LTBP1: variants seen among roughly 807,000 people sequenced by gnomAD.
LTBP1 encodes the protein latent-transforming growth factor beta-binding protein 1.
Under a neutral mutation model 207.6 loss-of-function variants are expected in LTBP1, and 129 were observed. The observed-to-expected ratio is 0.62, with a 90% CI of 0.54 to 0.72. LTBP1 has a LOEUF of 0.72. Among genes scored for constraint, LTBP1 ranks in the 30% least tolerant of loss-of-function variants. The pLI is 0.00. For missense variants in LTBP1, 2,281 were observed against 2,217.2 expected (o/e 1.03, Z -0.58); for synonymous variants, 963 against 833.7 (o/e 1.16, Z -2.67).
intron 3 of LTBP1, among the ~76,000 whole-genome samples, chr2:33,039,696 CAATTA>C (rs1421414357): frequency 1.3e-5 from 2 of 152,062 alleles, no homozygotes; most frequent in Admixed American, 6.6e-5. Context: ...TAATCATAGT[CAATTA>C]AATTAAATTG....
intron 10 of LTBP1, among the ~76,000 whole-genome samples, chr2:33,244,625 T>C (rs965723682): frequency 4.6e-5 from 7 of 152,178 alleles, no homozygotes; most frequent in Non-Finnish European, 1.0e-4. Flanking sequence ...ATGCCCATTA[T>C]TATAGGTAAG....
intron 31 of LTBP1, among the ~76,000 whole-genome samples, chr2:33,376,343 G>A (rs1000682693): frequency 5.9e-5 from 9 of 152,178 alleles, no homozygotes; most frequent in African/African-American, 1.9e-4. Flanking sequence ...ACAAGAAAAA[G>A]CCCTCACCCT....
chr2:32,973,322 C>T (rs992691020), intron 2 of LTBP1, among the ~76,000 whole-genome samples: 3 of 152,018 alleles, frequency 2.0e-5, no homozygotes, highest in Non-Finnish European at 2.9e-5. Flanking sequence ...CTGGGTGCTT[C>T]TTTGTTAGGT....
At chr2:33,031,917 AG>A (rs754142934) in intron 3 of LTBP1, among the ~76,000 whole-genome samples, 11 of 152,046 alleles carry the variant, frequency 7.2e-5, no homozygotes, top group Non-Finnish European at 1.5e-4. Context: ...AGAGAGTGTG[AG>A]GGAAGGCCTG....
At chr2:33,056,940 G>C (rs959076901) in intron 3 of LTBP1, among the ~76,000 whole-genome samples, 1 of 152,144 alleles carries the variant, frequency 6.6e-6, no homozygotes. Flanking sequence ...TTTACAGAGA[G>C]CCGATTGGTC....
chr2:32,959,621 A>AT lies in LTBP1; in HGVS notation c.565+10693dup, dbSNP rs397972038. Among the ~76,000 whole-genome samples the AT allele has an allele frequency of 1.9e-3, 69 of 36,668 alleles. 2 individuals carry two copies. The Middle Eastern group carries it at 0.071, about 38-fold the overall frequency. 24.1% of individuals were successfully genotyped at this position (36,668 alleles called of 152,430 possible). ...TGTATATATATATATATATATATAT[A>AT]TTTTTTTTTTTTTTTTTGAGATGGA... On this transcript the variant is annotated intron_variant, in intron 2 of 33. Coordinates refer to ENST00000404816, the MANE Select transcript of LTBP1 (RefSeq NM_206943.4).
intron 31 of LTBP1, among the ~76,000 whole-genome samples, chr2:33,382,540 G>A (rs1426073775): frequency 6.6e-6 from 1 of 152,112 alleles, no homozygotes; most frequent in Non-Finnish European, 1.5e-5. Flanking sequence ...GATGACTTTA[G>A]TCATCGTCTC....
Position 33,235,935 on chromosome 2 carries a change from G to A in LTBP1, c.1877-7727G>A, listed in dbSNP as rs147305402. On this transcript the variant is annotated intron_variant, in intron 9 of 33. Coordinates refer to ENST00000404816, the MANE Select transcript of LTBP1 (RefSeq NM_206943.4). ...GTGGGCTAGGGGAGGGATAGCATTA[G>A]GAGAAATACCTAACGTAGATGGCGG... Among the ~76,000 whole-genome samples the A allele has an allele frequency of 4.3e-4, 65 of 152,282 alleles. No homozygotes were observed. The East Asian group carries it at 0.012, about 28-fold the overall frequency.
At chr2:33,250,458 A>G (rs1263006352) in intron 10 of LTBP1, among the ~76,000 whole-genome samples, 1 of 152,172 alleles carries the variant, frequency 6.6e-6, no homozygotes, top group African/African-American at 2.4e-5. Context: ...GGTTTAACAG[A>G]GAAGTCACAG....
chr2:33,260,046 T>A (rs1188298916), intron 13 of LTBP1, among the ~76,000 whole-genome samples: 53 of 152,182 alleles, frequency 3.5e-4, no homozygotes, highest in Admixed American at 3.4e-3. Context: ...ACATACATGT[T>A]TGAATTGAGT....
intron 21 of LTBP1, 50 bp downstream of exon 21, chr2:33,300,623 G>C (rs911744268): frequency 6.4e-7 from 1 of 1,573,952 alleles, no homozygotes; most frequent in Non-Finnish European, 8.7e-7. Flanking sequence ...AAAGCACCTG[G>C]TCTGAAAAAG....
chr2:33,288,390 A>G (rs961688657), intron 19 of LTBP1, among the ~76,000 whole-genome samples: 2 of 152,158 alleles, frequency 1.3e-5, no homozygotes, highest in African/African-American at 4.8e-5. Flanking sequence ...TAGGAAGGGA[A>G]ATTTTAAATT....
At chr2:33,278,558 T>A (rs773556629) in intron 18 of LTBP1, among the ~76,000 whole-genome samples, 1 of 152,208 alleles carries the variant, frequency 6.6e-6, no homozygotes, top group Non-Finnish European at 1.5e-5. Flanking sequence ...TGTTAAGGTA[T>A]TATAAGGCAG....
intron 26 of LTBP1, among the ~76,000 whole-genome samples, chr2:33,351,632 T>A (rs1439007488): frequency 6.6e-6 from 1 of 152,176 alleles, no homozygotes; most frequent in Non-Finnish European, 1.5e-5. Context: ...AATCAGGCCC[T>A]CTGACTTTTC....
rs546062236 is a variant in LTBP1, at chr2:33,397,155, G to A, written c.4857G>A (p.Glu1619=). The part of the protein sequence containing the change: ...IQDRFLNSFE[E]LQAEECGILN... ...CAGGTTTTCTAAATAGCTTTGAGGAGTTACAGGCTGAGGAATGCGGCATCC... is the reference window on the plus strand; with the variant it reads ...CAGGTTTTCTAAATAGCTTTGAGGAATTACAGGCTGAGGAATGCGGCATCC... Residue 1619 remains glutamate (E), a synonymous_variant, in exon 33 of 34, where the codon GAG becomes GAA. Coordinates refer to ENST00000404816, the MANE Select transcript of LTBP1 (RefSeq NM_206943.4). 1.2e-6 allele frequency: 2 copies of A among 1,613,996 alleles called. No homozygotes were observed. Among genetic ancestry groups the A allele is most frequent in the South Asian group, 1.1e-5 (1 of 91,048 alleles).
At chr2:33,171,085 A>G (rs1220875045) in intron 5 of LTBP1, among the ~76,000 whole-genome samples, 2 of 108,340 alleles carry the variant, frequency 1.8e-5, no homozygotes, top group East Asian at 2.5e-4. Context: ...AAAACTGGAA[A>G]CTCTAAAAAG....
intron 3 of LTBP1, among the ~76,000 whole-genome samples, chr2:33,039,643 A>G (rs1056035845): frequency 6.6e-6 from 1 of 152,226 alleles, no homozygotes; most frequent in Non-Finnish European, 1.5e-5. Flanking sequence ...TGTCTAAATC[A>G]TTGAGAAATT....
At chr2:33,093,770 A>G (rs1246361592) in intron 3 of LTBP1, among the ~76,000 whole-genome samples, 4 of 152,084 alleles carry the variant, frequency 2.6e-5, no homozygotes, top group Admixed American at 2.6e-4. Flanking sequence ...ATTGAATTCC[A>G]CTGAGAACTA....
chr2:32,999,176 C>A (rs1353618388), intron 2 of LTBP1, among the ~76,000 whole-genome samples: 1 of 152,182 alleles, frequency 6.6e-6, no homozygotes, highest in Admixed American at 6.5e-5. Context: ...CATCTGGGGG[C>A]TTGTTAGAAG....
Sources: allele counts gnomAD v4.1 joint callset (sites outside exome capture counted in the v4.1 genomes callset), GRCh38; gene constraint gnomAD v4.1.1; transcripts MANE v1.5; gene names NCBI Gene and HGNC (gene_info 2026-07-23, HGNC 2026-07-21).